The following AHNAK variants were observed in gnomAD, a reference collection of about 807,000 sequenced individuals.
The protein encoded by AHNAK is neuroblast differentiation-associated protein AHNAK.
A neutral mutation model predicts 37.8 loss-of-function variants in AHNAK; 23 were observed. The ratio of observed to expected loss-of-function variants is 0.61; its 90% CI spans 0.44 to 0.86. The LOEUF (loss-of-function observed/expected upper bound fraction) is 0.86. Among genes scored for constraint, AHNAK ranks in the 40% least tolerant of loss-of-function variants. The probability of loss-of-function intolerance (pLI) is 0.00; values close to 1 mark genes in which losing one functional copy is unlikely to be tolerated. For synonymous variants in AHNAK, 2,481 were observed against 2,636.3 expected (o/e 0.94, Z 1.80); for missense variants, 7,411 against 7,319.4 (o/e 1.01, Z -0.46).
chr11:62,482,020 C>T (rs954310397), intron 5 of AHNAK, among the ~76,000 whole-genome samples: 1 of 152,310 alleles, frequency 6.6e-6, no homozygotes, highest in Non-Finnish European at 1.5e-5. Context: ...GCTGGGTCAG[C>T]CATGCTCACT....
At chr11:62,461,906 G>A (rs1159892395) in intron 5 of AHNAK, among the ~76,000 whole-genome samples, 4 of 152,010 alleles carry the variant, frequency 2.6e-5, no homozygotes, top group African/African-American at 9.7e-5. Context: ...TGTCTTTGTG[G>A]TTGGCCCAGG....
chr11:62,459,223 T>C (rs1032432848), intron 5 of AHNAK, among the ~76,000 whole-genome samples: 1 of 152,188 alleles, frequency 6.6e-6, no homozygotes, highest in Non-Finnish European at 1.5e-5. Context: ...ACATGGGTGA[T>C]ATTTTGAGAT....
intron 5 of AHNAK, among the ~76,000 whole-genome samples, chr11:62,461,851 A>G (rs1214400870): frequency 6.6e-6 from 1 of 150,652 alleles, no homozygotes; most frequent in African/African-American, 2.4e-5. Flanking sequence ...ACAACCTTCC[A>G]CAGGATAGTT....
chr11:62,443,276 T>TTTTTTTTTC, intron 5 of AHNAK, among the ~76,000 whole-genome samples: 1 of 33,690 alleles, frequency 3.0e-5, no homozygotes, highest in Non-Finnish European at 5.6e-5. Flanking sequence ...GCACCCGGCC[T>TTTTTTTTTC]TTTTTTTTTT....
rs551377785 is a variant in AHNAK at position 62,532,130 on chromosome 11, T to G, written c.2287A>C (p.Lys763Gln). 1.9e-6 allele frequency: 3 copies of G among 1,613,792 alleles called. No homozygotes were observed. The African/African-American group carries it at 4.0e-5, about 22-fold the overall frequency. ...KMPKFSVPGFKAEGPEVDVNL... is the reference protein window; with the variant it reads ...KMPKFSVPGFQAEGPEVDVNL... ...ACATCCACTTCTGGGCCCTCTGCTT[T>G]GAACCCTGGCACACTGAATTTGGGC... The change falls in exon 5 of 5, where the codon AAA becomes CAA. Residue 763 changes from lysine (K) to glutamine (Q), a missense_variant. Coordinates refer to ENST00000378024, the MANE Select transcript of AHNAK (RefSeq NM_001620.3).
chr11:62,516,651 GGT>G lies in AHNAK; in HGVS notation c.*91_*92del, dbSNP rs1940026661. On this transcript the variant is annotated 3_prime_UTR_variant, in exon 5 of 5. Coordinates refer to ENST00000378024, the MANE Select transcript of AHNAK (RefSeq NM_001620.3). Reference sequence around the variant, plus strand: ...TCTTTGCATGATTGCTGAGGCAGTCGGTGTGTTTCCCTTTGGAGTTTATATAG... The same window carrying G: ...TCTTTGCATGATTGCTGAGGCAGTCGGTGTTTCCCTTTGGAGTTTATATAG... 40 of 1,505,256 alleles carry G rather than the reference GGT, an allele frequency of 2.7e-5. No individual in the cohort carries two copies. The South Asian group carries it at 5.7e-4, about 21-fold the overall frequency. The allele number at this position is 1,505,256 out of a possible 1,614,324, so 93.2% of individuals were successfully genotyped here. A position where few individuals can be genotyped will look rare whatever the true frequency, so the allele number is the denominator to read the frequency against.
rs1430794151 is a variant in AHNAK, at chr11:62,535,849, C to A, written c.154+96G>T. On this transcript the variant is annotated intron_variant, in intron 3 of 4. Coordinates refer to ENST00000378024, the MANE Select transcript of AHNAK (RefSeq NM_001620.3). ...CCACTGGGAATGGGCCCTCGACAGCCACTCACCCACTTCTGCCTGCTCCCT... is the reference window on the plus strand; with the variant it reads ...CCACTGGGAATGGGCCCTCGACAGCAACTCACCCACTTCTGCCTGCTCCCT... 3 of 1,475,834 alleles carry A rather than the reference C, an allele frequency of 2.0e-6. No individual in the cohort carries two copies. In the African/African-American group the frequency reaches 4.2e-5, roughly 21 times the overall value. The allele number at this position is 1,475,834 out of a possible 1,614,324, so 91.4% of individuals were successfully genotyped here.
chr11:62,517,279 T>C lies in AHNAK; in HGVS notation c.17138A>G (p.Lys5713Arg). The C allele has an allele frequency of 6.2e-7, 1 of 1,614,144 alleles. No homozygotes were observed. The highest frequency in any genetic ancestry group is 2.2e-5 in the East Asian group (1 of 44,878). ...TTTGGAAAAATTAAACTTGGGCATT[T>C]TGATCTTGGACTTTTTCAGTTTGAC... ...SEVKLKKSKIKMPKFNFSKPK... is the reference protein window; with the variant it reads ...SEVKLKKSKIRMPKFNFSKPK... Residue 5713 changes from lysine (K) to arginine (R), a missense_variant, in exon 5 of 5, where the codon AAA (lysine) becomes AGA (arginine). Lys to Arg is a conservative substitution (Grantham distance 26). Coordinates refer to ENST00000378024, the MANE Select transcript of AHNAK (RefSeq NM_001620.3).
At chr11:62,495,894 G>C (rs1461369704) in intron 4 of AHNAK, among the ~76,000 whole-genome samples, 1 of 151,370 alleles carries the variant, frequency 6.6e-6, no homozygotes, top group African/African-American at 2.4e-5. Context: ...ACTAAAAATA[G>C]AAAAATTAGC....
At chr11:62,468,680 T>C (rs1198506571) in intron 5 of AHNAK, among the ~76,000 whole-genome samples, 2 of 152,166 alleles carry the variant, frequency 1.3e-5, no homozygotes, top group African/African-American at 4.8e-5. Flanking sequence ...TCCTCTGCTT[T>C]AGCCTTTACA....
In AHNAK at chr11:62,530,081, T is replaced by C. The variant is rs1940672632; in HGVS notation, c.4336A>G (p.Ile1446Val). The change falls in exon 5 of 5, where the codon ATA (isoleucine) becomes GTA (valine). Residue 1446 changes from isoleucine to valine, a missense_variant. Physicochemically the swap from Ile to Val is conservative, Grantham distance 29. Coordinates refer to ENST00000378024, the MANE Select transcript of AHNAK (RefSeq NM_001620.3). Reference protein sequence around the residue: ...GPKFKMPEMSIKPQKISIPDV... With the variant: ...GPKFKMPEMSVKPQKISIPDV... ...GGTATGGATATCTTCTGAGGCTTTA[T>C]ACTCATTTCTGGCATCTTGAATTTG... The C allele has an allele frequency of 6.2e-7, 1 of 1,614,068 alleles. No homozygotes were observed. Among genetic ancestry groups the C allele is most frequent in the Non-Finnish European group, 8.5e-7 (1 of 1,179,938 alleles).
rs567807877 is a variant in AHNAK, at chr11:62,532,246, C to T, written c.2171G>A (p.Gly724Glu). The T allele has an allele frequency of 7.4e-6, 12 of 1,613,838 alleles. No homozygotes were observed. The East Asian group carries it at 1.1e-4, about 15-fold the overall frequency. The change falls in exon 5 of 5, where the codon GGA becomes GAA. Residue 724 changes from glycine (G) to glutamate (E), a missense_variant. Gly to Glu is a moderately conservative substitution (Grantham distance 98, BLOSUM62 -2). Transcript: ENST00000378024. ...GTCCACTTTTGGGCCTTTGAGTTCT[C>T]CTTCCAGCTTTGGTACAGTTACATC... ...EYDVTVPKLE[G>E]ELKGPKVDID...
intron 4 of AHNAK, among the ~76,000 whole-genome samples, chr11:62,504,851 G>C (rs1383669273): frequency 1.3e-5 from 2 of 152,186 alleles, no homozygotes; most frequent in African/African-American, 2.4e-5. Flanking sequence ...CACGCTGTTT[G>C]TGAGGATGGG....
rs141230097 is a variant in AHNAK, at chr11:62,484,117, C to T, written c.442+7615G>A. Among the ~76,000 whole-genome samples the T allele has an allele frequency of 5.0e-3, 767 of 152,022 alleles. 5 individuals carry two copies. Among genetic ancestry groups the T allele is most frequent in the African/African-American group, 0.018 (727 of 41,460 alleles). ...GATGGCTGGGTGCAATGGCTCACACCCATAATCCCAATGCTTTGGGAGGCT... is the reference window on the plus strand; with the variant it reads ...GATGGCTGGGTGCAATGGCTCACACTCATAATCCCAATGCTTTGGGAGGCT... On this transcript the variant is annotated intron_variant, in intron 5 of 5. Coordinates refer to the AHNAK transcript ENST00000257247.
In AHNAK at chr11:62,517,856, G is replaced by A. The variant is rs769751328; in HGVS notation, c.16561C>T (p.Pro5521Ser). 6.2e-7 allele frequency: 1 copy of A among 1,614,142 alleles called. No individual in the cohort carries two copies. Among genetic ancestry groups the A allele is most frequent in the African/African-American group, 1.3e-5 (1 of 75,034 alleles). The change falls in exon 5 of 5, where the codon CCT becomes TCT. Residue 5521 changes from proline (P) to serine (S), a missense_variant. By Grantham distance (74) the Pro-to-Ser change is moderately conservative. Transcript: ENST00000378024. ...VKLPTGQISG[P>S]EIKGGLKGSE... Reference sequence around the variant, plus strand: ...CCTTTCAGACCACCTTTGATTTCAGGCCCAGAAATCTGCCCAGTTGGGAGT... The same window carrying A: ...CCTTTCAGACCACCTTTGATTTCAGACCCAGAAATCTGCCCAGTTGGGAGT...
rs1940216729 is a variant in AHNAK at position 62,520,983 on chromosome 11, A to G, written c.13434T>C (p.Asp4478=). Residue 4478 remains aspartate, a synonymous_variant, in exon 5 of 5, where the codon GAT becomes GAC. Transcript: ENST00000378024. ...LKGPKVKGDV[D]VSLPKVESDL... is the part of the protein sequence containing the mutation. ...CACTTTCCACCTTAGGTAGTGAAAC[A>G]TCCACATCACCCTTCACCTTGGGAC... is the stretch of plus-strand genomic sequence containing the variant. 1 of 1,613,848 alleles carries G rather than the reference A, an allele frequency of 6.2e-7. No homozygotes were observed. Among genetic ancestry groups the G allele is most frequent in the African/African-American group, 1.3e-5 (1 of 74,844 alleles).
At chr11:62,457,908 AT>A (rs373610508) in intron 5 of AHNAK, among the ~76,000 whole-genome samples, 17,138 of 123,000 alleles carry the variant, frequency 0.14, 1,264 homozygotes, top group African/African-American at 0.27. Context: ...GAGAAGCTGA[AT>A]TTTTTTTTTT....
In AHNAK at chr11:62,530,759, C is replaced by T; in HGVS notation, c.3658G>A (p.Val1220Ile). The change falls in exon 5 of 5, where the codon GTA (valine) becomes ATA (isoleucine). Residue 1220 changes from valine to isoleucine, a missense_variant. Transcript: ENST00000378024. ...TCTGGCACTTTCATTTCACCTTCTA[C>T]CTTGGGCACAGACACATCCACATCC... ...KGDVDVSVPKVEGEMKVPDVE... is the reference protein window; with the variant it reads ...KGDVDVSVPKIEGEMKVPDVE... 1 of 1,613,778 alleles carries T rather than the reference C, an allele frequency of 6.2e-7. No individual in the cohort carries two copies. The highest frequency in any genetic ancestry group is 8.5e-7 in the Non-Finnish European group (1 of 1,179,968).
At position 62,533,654 on chromosome 11, in the gene AHNAK, C is replaced by T. The variant is rs1487350671; in HGVS notation, c.763G>A (p.Gly255Ser). The stretch of plus-strand genomic sequence containing the variant: ...TTTGCATTGACATTGACACCTGAGC[C>T]TCCCACCTTTATCCCAGGCATGGTG... ...QVTMPGIKVG[G>S]SGVNVNAKGL... Residue 255 changes from glycine (G) to serine (S), a missense_variant, in exon 5 of 5, where the codon GGC becomes AGC. Coordinates refer to ENST00000378024, the MANE Select transcript of AHNAK (RefSeq NM_001620.3). The T allele has an allele frequency of 2.5e-6, 4 of 1,614,152 alleles. No homozygotes were observed. The highest frequency in any genetic ancestry group is 3.4e-6 in the Non-Finnish European group (4 of 1,180,040).
Sources: allele counts gnomAD v4.1 joint callset (sites outside exome capture counted in the v4.1 genomes callset), GRCh38; gene constraint gnomAD v4.1.1; transcripts MANE v1.5; gene names NCBI Gene and HGNC (gene_info 2026-07-23, HGNC 2026-07-21).